The following DGLUCY variants were observed in gnomAD, a reference collection of about 807,000 sequenced individuals.
DGLUCY encodes the protein D-glutamate cyclase, mitochondrial.
Under a neutral mutation model 58.5 loss-of-function variants are expected in DGLUCY, and 58 were observed. That is an observed-to-expected ratio of 0.99 (90% CI 0.80 to 1.23). The LOEUF (loss-of-function observed/expected upper bound fraction) is 1.23. DGLUCY is among the 50% of genes most tolerant of loss of function. The probability of loss-of-function intolerance (pLI) is 0.00; values close to 1 mark genes in which losing one functional copy is unlikely to be tolerated. For synonymous variants in DGLUCY, 325 were observed against 314.1 expected (o/e 1.03, Z -0.37); for missense variants, 779 against 784.7 (o/e 0.99, Z 0.09).
chr14:91,199,473 G>A (rs1035163269), intron 10 of DGLUCY, among the ~76,000 whole-genome samples: 10 of 107,150 alleles, frequency 9.3e-5, no homozygotes, highest in African/African-American at 1.3e-4. Flanking sequence ...GGCTGTTCTC[G>A]AACTCCTGAC....
At chr14:91,077,330 G>T (rs1352621481) in intron 1 of DGLUCY, among the ~76,000 whole-genome samples, 1 of 148,280 alleles carries the variant, frequency 6.7e-6, no homozygotes, top group African/African-American at 2.5e-5. Context: ...AGGAGAGAGA[G>T]AGGCAGAGAA....
chr14:91,165,236 C>T (rs575088649), intron 3 of DGLUCY: 1 of 455,108 alleles, frequency 2.2e-6, no homozygotes, highest in Non-Finnish European at 4.4e-6. Flanking sequence ...TAATTTTAAA[C>T]ATCTACACAG....
At chr14:91,184,847 G>T (rs922227654) in intron 8 of DGLUCY, among the ~76,000 whole-genome samples, 7 of 152,120 alleles carry the variant, frequency 4.6e-5, no homozygotes, top group African/African-American at 1.7e-4. Context: ...TAGAGAATGT[G>T]GTTTCCTTTA....
chr14:91,096,077 G>A (rs942454031), intron 1 of DGLUCY, among the ~76,000 whole-genome samples: 1 of 152,166 alleles, frequency 6.6e-6, no homozygotes, highest in African/African-American at 2.4e-5. Context: ...TAGTGGGAAT[G>A]TTTTGAGATA....
intron 1 of DGLUCY, among the ~76,000 whole-genome samples, chr14:91,149,786 G>A (rs1048237554): frequency 6.6e-6 from 1 of 152,182 alleles, no homozygotes; most frequent in African/African-American, 2.4e-5. Context: ...CCACTTGGTT[G>A]GGTTGCTTTA....
upstream of DGLUCY, among the ~76,000 whole-genome samples, chr14:91,111,196 A>ATG (rs1469533552): frequency 3.9e-4 from 2 of 5,090 alleles, no homozygotes; most frequent in Non-Finnish European, 1.1e-3. Flanking sequence ...CTTTTTATTT[A>ATG]TATATATGTG....
chr14:91,132,281 T>C (rs893094177), intron 1 of DGLUCY, among the ~76,000 whole-genome samples: 1 of 152,152 alleles, frequency 6.6e-6, no homozygotes, highest in Non-Finnish European at 1.5e-5. Flanking sequence ...TTAATTACTA[T>C]GGGCAGGGTG....
intron 1 of DGLUCY, among the ~76,000 whole-genome samples, chr14:91,149,264 AAAG>A (rs2047182202): frequency 6.6e-6 from 1 of 151,916 alleles, no homozygotes; most frequent in Non-Finnish European, 1.5e-5. Flanking sequence ...AAAAAAAAGA[AAAG>A]AAAAGAAAAG....
At chr14:91,183,837 A>C (rs1294164335) in intron 8 of DGLUCY, among the ~76,000 whole-genome samples, 1 of 152,166 alleles carries the variant, frequency 6.6e-6, no homozygotes, top group Non-Finnish European at 1.5e-5. Context: ...GGAAACGGTA[A>C]GTCACAGTCT....
At position 91,204,734 on chromosome 14, in the gene DGLUCY, G is replaced by T; in HGVS notation, c.1473G>T (p.Gly491=). The T allele has an allele frequency of 1.2e-6, 2 of 1,614,120 alleles. No individual in the cohort carries two copies. Among genetic ancestry groups the T allele is most frequent in the East Asian group, 2.2e-5 (1 of 44,876 alleles). ...TGVGDGGNEL[G]MGKVKEAVRR... The stretch of plus-strand genomic sequence containing the variant: ...TCGGTGATGGAGGCAACGAGCTTGG[G>T]ATGGGTAAAGTCAAGGAGGCTGTGA... The change falls in exon 12 of 14, where the codon GGG becomes GGT. Residue 491 remains glycine (G), a synonymous_variant. Coordinates refer to ENST00000256324, the MANE Select transcript of DGLUCY (RefSeq NM_001102368.3).
intron 13 of DGLUCY, chr14:91,220,732 G>A (rs1887352578): frequency 4.4e-6 from 2 of 449,716 alleles, no homozygotes; most frequent in Non-Finnish European, 9.0e-6. Flanking sequence ...GCCCCATCTT[G>A]CTCTACGGGA....
chr14:91,191,698 G>T (rs2049903860), intron 9 of DGLUCY, among the ~76,000 whole-genome samples: 1 of 152,206 alleles, frequency 6.6e-6, no homozygotes, highest in African/African-American at 2.4e-5. Flanking sequence ...AGGGCAGGGG[G>T]TATTGTGAGA....
At chr14:91,068,137 C>G (rs1479881081) in intron 1 of DGLUCY, among the ~76,000 whole-genome samples, 2 of 151,374 alleles carry the variant, frequency 1.3e-5, no homozygotes, top group Non-Finnish European at 2.9e-5. Context: ...CACAGAGAGA[C>G]AGTCTTGCGA....
intron 1 of DGLUCY, among the ~76,000 whole-genome samples, chr14:91,120,870 G>A (rs891369479): frequency 2.0e-5 from 3 of 152,020 alleles, no homozygotes; most frequent in African/African-American, 7.3e-5. Flanking sequence ...AAATACTTAC[G>A]ACAGAGGGTC....
At chr14:91,179,841 TTTA>T (rs2049063405) in intron 7 of DGLUCY, among the ~76,000 whole-genome samples, 2 of 151,394 alleles carry the variant, frequency 1.3e-5, no homozygotes, top group Admixed American at 1.3e-4. Flanking sequence ...TTCTTAAAAA[TTTA>T]TTTTTTTTTT....
At chr14:91,223,764 G>T in intron 13 of DGLUCY, 1 of 1,228,226 alleles carries the variant, frequency 8.1e-7, no homozygotes, top group Non-Finnish European at 1.1e-6. Flanking sequence ...AATGCCTGTT[G>T]TGTGCCAAGG....
intron 11 of DGLUCY, among the ~76,000 whole-genome samples, chr14:91,202,281 C>G (rs1304971925): frequency 6.6e-6 from 1 of 151,928 alleles, no homozygotes; most frequent in East Asian, 1.9e-4. Flanking sequence ...AGCCCTTTAT[C>G]AGGGAATCAT....
At chr14:91,145,528 C>A (rs974672060) in intron 1 of DGLUCY, among the ~76,000 whole-genome samples, 1 of 152,282 alleles carries the variant, frequency 6.6e-6, no homozygotes, top group African/African-American at 2.4e-5. Flanking sequence ...TTTGTACCCG[C>A]TCCACCAGGA....
chr14:91,218,831 G>A (rs1196515001), intron 13 of DGLUCY, among the ~76,000 whole-genome samples: 1 of 152,164 alleles, frequency 6.6e-6, no homozygotes, highest in African/African-American at 2.4e-5. Context: ...GGGTCCACTG[G>A]GGAGACGACA....
Sources: allele counts gnomAD v4.1 joint callset (sites outside exome capture counted in the v4.1 genomes callset), GRCh38; gene constraint gnomAD v4.1.1; transcripts MANE v1.5; gene names NCBI Gene and HGNC (gene_info 2026-07-23, HGNC 2026-07-21).